ILRUN: variants seen among roughly 807,000 people sequenced by gnomAD.
The protein encoded by ILRUN is protein ILRUN.
A neutral mutation model predicts 33.8 loss-of-function variants in ILRUN; 3 were observed. The ratio of observed to expected loss-of-function variants is 0.09; its 90% CI spans 0.04 to 0.23. The LOEUF (loss-of-function observed/expected upper bound fraction) is 0.23, where lower values mean the gene tolerates loss of function less well. ILRUN is among the 10% of genes least tolerant of loss of function. The pLI is 1.00. For synonymous variants in ILRUN, 124 were observed against 138.9 expected, an observed-to-expected ratio of 0.89 and a Z score of 0.75; for missense variants, 210 against 375.1, an observed-to-expected ratio of 0.56 and a Z score of 3.64.
At chr6:34,615,678 T>C (rs923033764) in intron 3 of ILRUN, among the ~76,000 whole-genome samples, 1 of 152,126 alleles carries the variant, frequency 6.6e-6, no homozygotes, top group African/African-American at 2.4e-5. Context: ...AAGAGAGTGT[T>C]TTGATATCAA....
Position 34,646,824 on chromosome 6 carries a change from G to A in ILRUN, c.314-26C>T. 1 of 1,608,818 alleles carries A rather than the reference G, an allele frequency of 6.2e-7. No individual in the cohort carries two copies. Among genetic ancestry groups the A allele is most frequent in the Middle Eastern group, 1.7e-4 (1 of 5,974 alleles). Reference sequence around the variant, plus strand: ...CTGAGTTCAAGCAAAAGAAAAAAATGTTAGGCAATCAATGGTCCTATGCTG... The same window carrying A: ...CTGAGTTCAAGCAAAAGAAAAAAATATTAGGCAATCAATGGTCCTATGCTG... On this transcript the variant is annotated intron_variant, in intron 2 of 4. Transcript: ENST00000374023. The surrounding 1 kb of genome is among the most constrained non-coding windows in gnomAD (Gnocchi z 4.9).
intron 1 of ILRUN, among the ~76,000 whole-genome samples, chr6:34,681,931 C>T (rs1763366503): frequency 6.9e-6 from 1 of 145,332 alleles, no homozygotes; most frequent in Non-Finnish European, 1.5e-5. Flanking sequence ...CAGCTCACTG[C>T]AACTCTGCCT....
intron 4 of ILRUN, among the ~76,000 whole-genome samples, chr6:34,603,089 C>T (rs1483038323): frequency 3.3e-5 from 5 of 152,192 alleles, no homozygotes; most frequent in African/African-American, 1.2e-4. Context: ...TGGTCATAGG[C>T]TTCCAGAGCA....
chr6:34,651,911 G>A (rs1762679775), intron 2 of ILRUN, among the ~76,000 whole-genome samples: 1 of 150,610 alleles, frequency 6.6e-6, no homozygotes, highest in South Asian at 2.1e-4. Context: ...TTGTGCCTCA[G>A]CCTCCCAAGT....
chr6:34,590,509 C>T lies in ILRUN; in HGVS notation c.*56G>A, dbSNP rs1356201897. On this transcript the variant is annotated 3_prime_UTR_variant, in exon 5 of 5. Transcript: ENST00000374023. ...AATCCAGAGGAACCCCTTGCCCTAA[C>T]CCCCCAAAGTCAGGCCTTCTGTCTT... The T allele has an allele frequency of 5.0e-6, 8 of 1,611,566 alleles. No homozygotes were observed. Among genetic ancestry groups the T allele is most frequent in the East Asian group, 2.2e-5 (1 of 44,808 alleles).
At chr6:34,683,219 A>G (rs1763411613) in intron 1 of ILRUN, among the ~76,000 whole-genome samples, 1 of 151,278 alleles carries the variant, frequency 6.6e-6, no homozygotes, top group African/African-American at 2.4e-5. Flanking sequence ...TGAACAGCCT[A>G]TCCAAGTACC....
rs117835498 is a variant in ILRUN, at chr6:34,615,021, G to A, written c.512-8117C>T. On this transcript the variant is annotated intron_variant, in intron 3 of 4. Transcript: ENST00000374023. The stretch of plus-strand genomic sequence containing the variant: ...AGATTGGGGCACATGACAACTAAGT[G>A]TAATGTGGTAGCCTAGATTGGATTC... 5.9e-5 allele frequency among the ~76,000 whole-genome samples: 9 copies of A among 152,248 alleles called. No homozygotes were observed. The East Asian group carries it at 1.7e-3, about 29-fold the overall frequency.
chr6:34,690,196 C>T (rs1031484071), intron 1 of ILRUN, among the ~76,000 whole-genome samples: 5 of 152,178 alleles, frequency 3.3e-5, no homozygotes, highest in South Asian at 2.1e-4. Flanking sequence ...CATGGTGGCT[C>T]ACACCTGTAA....
chr6:34,684,994 A>C (rs1763483608), intron 1 of ILRUN, among the ~76,000 whole-genome samples: 1 of 152,236 alleles, frequency 6.6e-6, no homozygotes, highest in African/African-American at 2.4e-5. Context: ...GCTGTGATTT[A>C]GAAAGACTGA....
At chr6:34,633,880 A>AGAGGGAGGGAGGGAGG (rs750015797) in intron 3 of ILRUN, among the ~76,000 whole-genome samples, 7 of 64,910 alleles carry the variant, frequency 1.1e-4, no homozygotes, top group Non-Finnish European at 1.4e-4. Context: ...ATGGAGGGAG[A>AGAGGGAGGGAGGGAGG]GAGGGAGGGA....
At chr6:34,648,795 CACACAT>C (rs896684749) in intron 2 of ILRUN, among the ~76,000 whole-genome samples, 5 of 152,174 alleles carry the variant, frequency 3.3e-5, no homozygotes, top group Non-Finnish European at 5.9e-5. Flanking sequence ...TATACATACA[CACACAT>C]ACACATACAC....
intron 1 of ILRUN, among the ~76,000 whole-genome samples, chr6:34,657,827 A>C (rs1010336107): frequency 6.6e-6 from 1 of 152,202 alleles, no homozygotes; most frequent in Non-Finnish European, 1.5e-5. Context: ...TCAAAACAAC[A>C]TACTCAGCTA....
chr6:34,627,942 G>C (rs1342277294), intron 3 of ILRUN, among the ~76,000 whole-genome samples: 2 of 151,662 alleles, frequency 1.3e-5, no homozygotes, highest in African/African-American at 4.9e-5. Context: ...GAACTCAAGT[G>C]ATCCACCCGC....
At chr6:34,683,522 A>ATGTG (rs1462963647) in intron 1 of ILRUN, among the ~76,000 whole-genome samples, 5 of 89,432 alleles carry the variant, frequency 5.6e-5, no homozygotes, top group Admixed American at 1.1e-4. Context: ...ATACATATAT[A>ATGTG]TATATACATA....
chr6:34,648,928 A>C (rs1762608760), intron 2 of ILRUN, among the ~76,000 whole-genome samples: 1 of 152,234 alleles, frequency 6.6e-6, no homozygotes, highest in Admixed American at 6.5e-5. Flanking sequence ...TCTCCTAGGC[A>C]CAACCAGAAG....
chr6:34,683,460 A>ATG (rs1763431557), intron 1 of ILRUN, among the ~76,000 whole-genome samples: 6 of 115,876 alleles, frequency 5.2e-5, no homozygotes, highest in Non-Finnish European at 8.3e-5. Context: ...ATACATATAT[A>ATG]TACATATATA....
intron 3 of ILRUN, among the ~76,000 whole-genome samples, chr6:34,612,097 C>A (rs1761767986): frequency 6.6e-6 from 1 of 152,170 alleles, no homozygotes; most frequent in Non-Finnish European, 1.5e-5. Context: ...TCTAAAATGT[C>A]TGGCCTTAAG....
At chr6:34,694,994 T>G (rs1763728224) in intron 1 of ILRUN, among the ~76,000 whole-genome samples, 1 of 141,232 alleles carries the variant, frequency 7.1e-6, no homozygotes, top group South Asian at 2.2e-4. Flanking sequence ...GAGGTTGCAG[T>G]GAACCGAGGT....
intron 4 of ILRUN, among the ~76,000 whole-genome samples, chr6:34,598,093 A>G (rs1341100105): frequency 6.6e-6 from 1 of 152,214 alleles, no homozygotes; most frequent in Non-Finnish European, 1.5e-5. Context: ...CTTTGAAGAT[A>G]GGGATTAGTG....
Sources: gnomAD v4.1 joint callset for allele counts (sites outside exome capture counted in the v4.1 genomes callset) on GRCh38, gnomAD v4.1.1 for gene constraint, Gnocchi (gnomAD v3.1) non-coding constraint, MANE v1.5 for transcripts, NCBI Gene and HGNC (gene_info 2026-07-23, HGNC 2026-07-21) for gene names.